FAM78B: variants seen among roughly 807,000 people sequenced by gnomAD.
FAM78B encodes protein FAM78B.
A neutral mutation model predicts 20.0 loss-of-function variants in FAM78B; 10 were observed. The ratio of observed to expected loss-of-function variants is 0.50; its 90% CI spans 0.31 to 0.85. The LOEUF is 0.85. Among genes scored for constraint, FAM78B ranks in the 40% least tolerant of loss-of-function variants. The pLI, the probability that FAM78B is intolerant of heterozygous loss-of-function variation, is 0.05. For synonymous variants in FAM78B, 135 were observed against 132.8 expected (o/e 1.02, Z -0.12); for missense variants, 283 against 345.0 (o/e 0.82, Z 1.42).
At chr1:166,160,163 G>A (rs768738445) in intron 1 of FAM78B, among the ~76,000 whole-genome samples, 22 of 152,164 alleles carry the variant, frequency 1.4e-4, no homozygotes, top group Non-Finnish European at 2.8e-4. Flanking sequence ...AGAGCAAAAT[G>A]CCCAACTGTG....
At chr1:166,110,277 AAAAG>A (rs1478645335) in intron 1 of FAM78B, among the ~76,000 whole-genome samples, 4 of 152,004 alleles carry the variant, frequency 2.6e-5, no homozygotes, top group Non-Finnish European at 4.4e-5. Context: ...AATATTAAAA[AAAAG>A]AAAGAGAATG....
rs916645950 is a variant in FAM78B, at chr1:166,070,215, C to T, written c.*26G>A. On this transcript the variant is annotated 3_prime_UTR_variant, in exon 2 of 2. Coordinates refer to ENST00000354422, the MANE Select transcript of FAM78B (RefSeq NM_001017961.5). Reference sequence around the variant, plus strand: ...ACTGCATGTCTCAGAGGCGTGTGATCCACACACAGTCAGGCCAGTCTGCTT... The same window carrying T: ...ACTGCATGTCTCAGAGGCGTGTGATTCACACACAGTCAGGCCAGTCTGCTT... The T allele has an allele frequency of 6.6e-7, 1 of 1,505,190 alleles. No individual in the cohort carries two copies. Among genetic ancestry groups the T allele is most frequent in the Admixed American group, 2.3e-5 (1 of 44,362 alleles). 93.2% of individuals were successfully genotyped at this position (1,505,190 alleles called of 1,614,324 possible).
At chr1:166,152,270 G>A (rs1035504462) in intron 1 of FAM78B, among the ~76,000 whole-genome samples, 23 of 152,306 alleles carry the variant, frequency 1.5e-4, no homozygotes, top group African/African-American at 4.6e-4. Context: ...TTGTTCTCAG[G>A]TGTCAGGGAT....
intron 1 of FAM78B, chr1:166,154,862 G>A (rs1655835327): frequency 2.1e-6 from 1 of 472,148 alleles, no homozygotes; most frequent in South Asian, 1.5e-5. Flanking sequence ...TGAGCTAGAT[G>A]ATTTCCCGCA....
chr1:166,146,327 G>A (rs1041782847), intron 1 of FAM78B, among the ~76,000 whole-genome samples: 4 of 152,168 alleles, frequency 2.6e-5, no homozygotes, highest in African/African-American at 7.2e-5. Flanking sequence ...GATACTTTCT[G>A]AGACATTTCT....
At chr1:166,159,675 T>A (rs1489876371) in intron 1 of FAM78B, among the ~76,000 whole-genome samples, 1 of 152,094 alleles carries the variant, frequency 6.6e-6, no homozygotes, top group Non-Finnish European at 1.5e-5. Flanking sequence ...CCCCAACCCA[T>A]CCAGTGCCCT....
rs191395981 is a variant in FAM78B at position 166,092,449 on chromosome 1, C to A, written c.264-21686G>T. Among the ~76,000 whole-genome samples, 272 of 152,330 alleles carry A rather than the reference C, an allele frequency of 1.8e-3. No homozygotes were observed. The South Asian group carries it at 0.021, about 12-fold the overall frequency. On this transcript the variant is annotated intron_variant, in intron 1 of 1. Transcript: ENST00000354422. ...AACACCTCCTCTACCTCCTTCCACCCCTAGTTAGTCCTACCCTGCCTCTTC... is the reference window on the plus strand; with the variant it reads ...AACACCTCCTCTACCTCCTTCCACCACTAGTTAGTCCTACCCTGCCTCTTC...
At chr1:166,089,592 G>C (rs1195734767) in intron 1 of FAM78B, among the ~76,000 whole-genome samples, 1 of 151,972 alleles carries the variant, frequency 6.6e-6, no homozygotes, top group Non-Finnish European at 1.5e-5. Context: ...CAGCCATGAA[G>C]CATGGCCTGT....
chr1:166,103,500 A>C (rs1006809403), intron 1 of FAM78B, among the ~76,000 whole-genome samples: 1 of 152,334 alleles, frequency 6.6e-6, no homozygotes, highest in East Asian at 1.9e-4. Flanking sequence ...AATAGACACA[A>C]TAAAAAATGA....
At chr1:166,056,102 T>C (rs893993599), downstream of FAM78B, among the ~76,000 whole-genome samples, 7 of 152,132 alleles carry the variant, frequency 4.6e-5, no homozygotes, top group Admixed American at 3.3e-4. Context: ...CTGGTGAGGG[T>C]AGAGGCGTCT....
At chr1:166,114,415 G>C (rs1654181130) in intron 1 of FAM78B, among the ~76,000 whole-genome samples, 1 of 152,230 alleles carries the variant, frequency 6.6e-6, no homozygotes, top group South Asian at 2.1e-4. Flanking sequence ...GTTTGGAATA[G>C]ATGTGCCACC....
chr1:166,060,661 G>A (rs1044910014), exon 3 of FAM78B: 1 of 1,287,328 alleles, frequency 7.8e-7, no homozygotes, highest in Non-Finnish European at 1.0e-6. Context: ...CCTACTAGGA[G>A]ACCTGTATGT....
chr1:166,075,643 G>T (rs1652240841), intron 1 of FAM78B, among the ~76,000 whole-genome samples: 1 of 152,178 alleles, frequency 6.6e-6, no homozygotes, highest in East Asian at 1.9e-4. Context: ...TACTAATCTT[G>T]TTTCTCTTTA....
At chr1:166,108,842 C>T (rs1653889546) in intron 1 of FAM78B, among the ~76,000 whole-genome samples, 1 of 152,054 alleles carries the variant, frequency 6.6e-6, no homozygotes, top group Admixed American at 6.6e-5. Flanking sequence ...AATAGAGAAC[C>T]CAGAAATAAA....
At chr1:166,135,273 T>C (rs1048910345) in intron 1 of FAM78B, among the ~76,000 whole-genome samples, 2 of 152,206 alleles carry the variant, frequency 1.3e-5, no homozygotes, top group East Asian at 3.8e-4. Flanking sequence ...AACTATAAAG[T>C]ATAACAGCAA....
At chr1:166,135,110 T>C (rs1264753557) in intron 1 of FAM78B, among the ~76,000 whole-genome samples, 1 of 152,180 alleles carries the variant, frequency 6.6e-6, no homozygotes, top group Admixed American at 6.5e-5. Flanking sequence ...CCTGAAAAAG[T>C]TCAGTCCACC....
intron 1 of FAM78B, among the ~76,000 whole-genome samples, chr1:166,105,560 C>T (rs1415903448): frequency 6.6e-6 from 1 of 152,204 alleles, no homozygotes; most frequent in East Asian, 1.9e-4. Context: ...TGAACAGACA[C>T]TTCTCAAAAG....
At chr1:166,154,753 A>T (rs757486025) in intron 1 of FAM78B, 1 of 518,274 alleles carries the variant, frequency 1.9e-6, no homozygotes, top group Non-Finnish European at 4.0e-6. Flanking sequence ...CCAGTGATCC[A>T]GGCCCATGGA....
intron 1 of FAM78B, among the ~76,000 whole-genome samples, chr1:166,096,654 T>C (rs1461189288): frequency 1.3e-5 from 2 of 152,194 alleles, no homozygotes; most frequent in Non-Finnish European, 1.5e-5. Context: ...TGTCCTGATG[T>C]AGTGAGAGAG....
Sources: gnomAD v4.1 joint callset for allele counts (sites outside exome capture counted in the v4.1 genomes callset) on GRCh38, gnomAD v4.1.1 for gene constraint, MANE v1.5 for transcripts, NCBI Gene and HGNC (gene_info 2026-07-23, HGNC 2026-07-21) for gene names.